The following KAZN variants were observed in gnomAD, a reference collection of about 807,000 sequenced individuals.
KAZN encodes kazrin.
In KAZN, 40 loss-of-function variants were observed where a neutral mutation model predicts 87.4. That is an observed-to-expected ratio of 0.46 (90% CI 0.36 to 0.60). The LOEUF (loss-of-function observed/expected upper bound fraction) is 0.60. Ranked by LOEUF, KAZN falls within the 20% of genes least tolerant of loss-of-function variation. The pLI is 0.00. For missense variants in KAZN, 898 were observed against 1,073.9 expected, an observed-to-expected ratio of 0.84 and a Z score of 2.29; for synonymous variants, 466 against 458.3, an observed-to-expected ratio of 1.02 and a Z score of -0.22.
At chr1:13,983,605 G>T (rs941214926) in intron 1 of KAZN, among the ~76,000 whole-genome samples, 1 of 152,176 alleles carries the variant, frequency 6.6e-6, no homozygotes, top group Non-Finnish European at 1.5e-5. Flanking sequence ...CCAGAAAGGG[G>T]CTCCCACAGC....
intron 1 of KAZN, among the ~76,000 whole-genome samples, chr1:14,842,946 G>A (rs781227354): frequency 6.6e-6 from 1 of 151,996 alleles, no homozygotes; most frequent in Non-Finnish European, 1.5e-5. Context: ...TGATGTGATT[G>A]GTATATTGCT....
chr1:14,673,596 CG>C (rs762224525), intron 1 of KAZN, among the ~76,000 whole-genome samples: 6 of 152,062 alleles, frequency 3.9e-5, no homozygotes, highest in Non-Finnish European at 7.4e-5. Context: ...AGAAGGAAGA[CG>C]TGTTGTTGGA....
intron 2 of KAZN, among the ~76,000 whole-genome samples, chr1:14,418,301 G>T (rs186887316): frequency 6.6e-6 from 1 of 152,272 alleles, no homozygotes; most frequent in African/African-American, 2.4e-5. Context: ...CTCTCTGAGT[G>T]TCCATTTCCT....
intron 1 of KAZN, among the ~76,000 whole-genome samples, chr1:14,713,775 CAAAAAA>C (rs58947119): frequency 0.031 from 2,929 of 94,142 alleles, 12 homozygotes; most frequent in Non-Finnish European, 0.044. Context: ...CTCATCTCTA[CAAAAAA>C]AAAAAAAAAA....
rs1658022673 is a variant in KAZN, at chr1:14,345,214, G to A, written c.249+164622G>A. 3.3e-5 allele frequency among the ~76,000 whole-genome samples: 5 copies of A among 151,868 alleles called. No homozygotes were observed. In the South Asian group the frequency reaches 1.0e-3, roughly 32 times the overall value. On this transcript the variant is annotated intron_variant, in intron 2 of 16. Coordinates refer to the KAZN transcript ENST00000636203. ...ATTACAGGCATGAGCCACCACGCCA[G>A]GCCCATCCCCTCTTCTAAATCCTTG...
chr1:15,059,927 G>A (rs1018419608), intron 5 of KAZN, among the ~76,000 whole-genome samples: 4 of 152,148 alleles, frequency 2.6e-5, no homozygotes, highest in East Asian at 1.9e-4. Context: ...TCTTCTCCTC[G>A]TTCACGCTGG....
At position 15,114,729 on chromosome 1, in the gene KAZN, C is replaced by T. The variant is rs953563329; in HGVS notation, c.*94C>T. The T allele has an allele frequency of 5.3e-5, 69 of 1,290,766 alleles. No individual in the cohort carries two copies. The East Asian group carries it at 1.2e-3, about 22-fold the overall frequency. 80.0% of individuals were successfully genotyped at this position (1,290,766 alleles called of 1,614,324 possible). Reference sequence around the variant, plus strand: ...TGTCGTTCTCACTGTACATAGCGGCCGCAGGCTGAGGATGTCCCTTGCTCC... The same window carrying T: ...TGTCGTTCTCACTGTACATAGCGGCTGCAGGCTGAGGATGTCCCTTGCTCC... On this transcript the variant is annotated 3_prime_UTR_variant, in exon 15 of 15. Transcript: ENST00000376030.
chr1:14,167,854 A>C (rs1188126944), intron 1 of KAZN, among the ~76,000 whole-genome samples: 1 of 152,192 alleles, frequency 6.6e-6, no homozygotes, highest in African/African-American at 2.4e-5. Flanking sequence ...TAGGAGGAAA[A>C]GTCCAGACAA....
At chr1:14,623,480 C>T (rs1678872671) in intron 1 of KAZN, among the ~76,000 whole-genome samples, 1 of 151,988 alleles carries the variant, frequency 6.6e-6, no homozygotes, top group Non-Finnish European at 1.5e-5. Context: ...GGTGGAGGAT[C>T]GGAGGAGGGA....
At chr1:14,779,215 C>T (rs188419147) in intron 1 of KAZN, among the ~76,000 whole-genome samples, 1 of 152,356 alleles carries the variant, frequency 6.6e-6, no homozygotes, top group Admixed American at 6.5e-5. Context: ...GAATGGGAAA[C>T]ATCCTTGCAG....
At chr1:14,223,852 ATGTT>A (rs1306471391) in intron 2 of KAZN, among the ~76,000 whole-genome samples, 1 of 152,168 alleles carries the variant, frequency 6.6e-6, no homozygotes, top group Admixed American at 6.5e-5. Context: ...GGGCAGTGGC[ATGTT>A]TGTTACAGAC....
intron 1 of KAZN, among the ~76,000 whole-genome samples, chr1:13,903,149 A>G (rs1639309062): frequency 6.6e-6 from 1 of 152,182 alleles, no homozygotes; most frequent in Admixed American, 6.5e-5. Context: ...ATATAAAATT[A>G]TATACTAATG....
chr1:14,408,507 C>G (rs1414356940), intron 2 of KAZN, among the ~76,000 whole-genome samples: 1 of 144,860 alleles, frequency 6.9e-6, no homozygotes, highest in Admixed American at 7.1e-5. Context: ...GTTGTCAAGG[C>G]TGGAAGTTTG....
At chr1:14,318,162 C>G (rs1258088646) in intron 2 of KAZN, among the ~76,000 whole-genome samples, 4 of 151,960 alleles carry the variant, frequency 2.6e-5, no homozygotes. Flanking sequence ...TATATTTACC[C>G]ACTTATTTCC....
intron 2 of KAZN, among the ~76,000 whole-genome samples, chr1:14,466,055 A>C (rs1488960159): frequency 6.6e-6 from 1 of 152,220 alleles, no homozygotes; most frequent in Non-Finnish European, 1.5e-5. Flanking sequence ...TATACCATAC[A>C]GTTTAGGTAA....
intron 1 of KAZN, among the ~76,000 whole-genome samples, chr1:14,829,555 G>A (rs964615159): frequency 5.3e-5 from 8 of 152,190 alleles, no homozygotes; most frequent in African/African-American, 1.9e-4. Flanking sequence ...GGGTGACAGA[G>A]CAAGACTCTG....
chr1:14,086,164 A>G (rs180940863), intron 1 of KAZN, among the ~76,000 whole-genome samples: 4 of 151,878 alleles, frequency 2.6e-5, no homozygotes, highest in Admixed American at 2.0e-4. Flanking sequence ...CTTATCAAAT[A>G]TACATCTTGC....
intron 2 of KAZN, among the ~76,000 whole-genome samples, chr1:14,321,789 G>C (rs1355405802): frequency 6.6e-6 from 1 of 152,112 alleles, no homozygotes; most frequent in African/African-American, 2.4e-5. Context: ...ACTTATTAAA[G>C]AGAGCACATT....
intron 7 of KAZN, among the ~76,000 whole-genome samples, chr1:15,065,056 G>T (rs1291696861): frequency 1.6e-5 from 2 of 128,782 alleles, no homozygotes; most frequent in Non-Finnish European, 3.1e-5. Context: ...TTTTGAGACG[G>T]AGTCTCACTC....
Sources: gnomAD v4.1 joint callset for allele counts (sites outside exome capture counted in the v4.1 genomes callset) on GRCh38, gnomAD v4.1.1 for gene constraint, MANE v1.5 for transcripts, NCBI Gene and HGNC (gene_info 2026-07-23, HGNC 2026-07-21) for gene names.